Variants in ERBB4 observed in about 807,000 individuals in gnomAD.
The protein encoded by ERBB4 is erb-b2 receptor tyrosine kinase 4, also known as receptor tyrosine-protein kinase erbB-4.
Under a neutral mutation model 158.0 loss-of-function variants are expected in ERBB4, and 42 were observed. That is an observed-to-expected ratio of 0.27 (90% CI 0.21 to 0.34). The LOEUF (loss-of-function observed/expected upper bound fraction) is 0.34, where lower values mean the gene tolerates loss of function less well. ERBB4 is among the 10% of genes least tolerant of loss of function. ERBB4 has a pLI of 1.00. For missense variants in ERBB4, 1,333 were observed against 1,624.1 expected, an observed-to-expected ratio of 0.82 and a Z score of 3.08; for synonymous variants, 583 against 558.7, an observed-to-expected ratio of 1.04 and a Z score of -0.61.
At chr2:211,509,832 A>T (rs1440372409) in intron 20 of ERBB4, among the ~76,000 whole-genome samples, 1 of 152,152 alleles carries the variant, frequency 6.6e-6, no homozygotes, top group African/African-American at 2.4e-5. Flanking sequence ...GCCAGCAAAC[A>T]CATGAAAAAA....
chr2:211,938,688 T>C (rs1336037300), intron 3 of ERBB4, among the ~76,000 whole-genome samples: 1 of 151,942 alleles, frequency 6.6e-6, no homozygotes, highest in Non-Finnish European at 1.5e-5. Flanking sequence ...AAAATAATAA[T>C]AATAATTGGC....
intron 2 of ERBB4, among the ~76,000 whole-genome samples, chr2:211,950,885 A>G (rs2080856726): frequency 6.6e-6 from 1 of 152,114 alleles, no homozygotes; most frequent in Admixed American, 6.6e-5. Flanking sequence ...TCCTCCTTCA[A>G]ACACTGTTCT....
chr2:211,734,159 A>C (rs1030619421), intron 5 of ERBB4, among the ~76,000 whole-genome samples: 5 of 152,218 alleles, frequency 3.3e-5, no homozygotes, highest in Admixed American at 2.0e-4. Context: ...ACAATGGACA[A>C]ATATCTGTTG....
intron 1 of ERBB4, among the ~76,000 whole-genome samples, chr2:212,232,660 G>A (rs1373425198): frequency 4.6e-5 from 7 of 152,022 alleles, no homozygotes; most frequent in Middle Eastern, 3.2e-3. Context: ...CGCCTGCCTC[G>A]GCTTCCCAAA....
At chr2:212,351,282 G>T (rs2089241334) in intron 1 of ERBB4, among the ~76,000 whole-genome samples, 1 of 152,036 alleles carries the variant, frequency 6.6e-6, no homozygotes, top group African/African-American at 2.4e-5. Flanking sequence ...GACACAAGAG[G>T]GGCCTGAGCA....
At chr2:211,775,401 A>C (rs1186287157) in intron 4 of ERBB4, among the ~76,000 whole-genome samples, 1 of 152,162 alleles carries the variant, frequency 6.6e-6, no homozygotes, top group East Asian at 1.9e-4. Context: ...TCTTTCCCTT[A>C]CTGTACTATG....
intron 2 of ERBB4, among the ~76,000 whole-genome samples, chr2:212,098,589 CT>C (rs2078995791): frequency 6.6e-6 from 1 of 152,210 alleles, no homozygotes; most frequent in Admixed American, 6.5e-5. Flanking sequence ...ATTAAAAGAC[CT>C]GCTAGTCCCT....
intron 1 of ERBB4, among the ~76,000 whole-genome samples, chr2:212,244,747 C>A (rs1322581739): frequency 6.6e-6 from 1 of 152,092 alleles, no homozygotes; most frequent in Non-Finnish European, 1.5e-5. Context: ...TCTGGTTTAA[C>A]TTTCAATTCT....
chr2:212,069,137 G>A (rs1284583111), intron 2 of ERBB4, among the ~76,000 whole-genome samples: 1 of 151,902 alleles, frequency 6.6e-6, no homozygotes, highest in Non-Finnish European at 1.5e-5. Context: ...TTAGCAGTGT[G>A]AGAAAAAATT....
chr2:211,880,478 A>C (rs77206021), intron 3 of ERBB4, among the ~76,000 whole-genome samples: 3,533 of 152,276 alleles, frequency 0.023, 51 homozygotes, highest in Middle Eastern at 0.048. Flanking sequence ...TTCACACCAA[A>C]TTGTTTACTT....
chr2:211,478,794 C>T (rs1388596515), intron 20 of ERBB4, among the ~76,000 whole-genome samples: 1 of 152,064 alleles, frequency 6.6e-6, no homozygotes, highest in Non-Finnish European at 1.5e-5. Context: ...TACTATTTCT[C>T]AGATGTACTA....
intron 2 of ERBB4, among the ~76,000 whole-genome samples, chr2:212,095,842 G>A (rs1434677457): frequency 6.6e-6 from 1 of 151,598 alleles, no homozygotes; most frequent in Non-Finnish European, 1.5e-5. Context: ...GGCTGAGGCA[G>A]GAGAATGGCG....
At chr2:211,946,405 C>A (rs990971280) in intron 3 of ERBB4, among the ~76,000 whole-genome samples, 3 of 151,862 alleles carry the variant, frequency 2.0e-5, no homozygotes, top group Non-Finnish European at 2.9e-5. Flanking sequence ...TATCTCTAAA[C>A]TGCTTAATTT....
At chr2:212,023,164 T>C (rs780825079) in intron 2 of ERBB4, among the ~76,000 whole-genome samples, 6 of 152,142 alleles carry the variant, frequency 3.9e-5, no homozygotes, top group Non-Finnish European at 7.4e-5. Flanking sequence ...AGCCTGGACA[T>C]GAGCCATTAT....
intron 1 of ERBB4, among the ~76,000 whole-genome samples, chr2:212,408,026 A>G (rs938646825): frequency 6.6e-6 from 1 of 151,998 alleles, no homozygotes; most frequent in Non-Finnish European, 1.5e-5. Flanking sequence ...ATAAAAATCT[A>G]TATTTATAAA....
At chr2:212,117,615 T>C (rs1476239793) in intron 2 of ERBB4, among the ~76,000 whole-genome samples, 2 of 152,210 alleles carry the variant, frequency 1.3e-5, no homozygotes, top group East Asian at 3.8e-4. Flanking sequence ...GCTTGTATAG[T>C]AGGAACTATA....
intron 19 of ERBB4, among the ~76,000 whole-genome samples, chr2:211,598,100 A>G (rs1487759522): frequency 6.6e-6 from 1 of 152,036 alleles, no homozygotes; most frequent in African/African-American, 2.4e-5. Context: ...ATACACCTCA[A>G]TCTTTTGAAA....
intron 1 of ERBB4, among the ~76,000 whole-genome samples, chr2:212,207,356 A>G (rs1379511279): frequency 6.6e-6 from 1 of 152,184 alleles, no homozygotes; most frequent in East Asian, 1.9e-4. Flanking sequence ...CAAATAATGG[A>G]ATTATCTGTT....
intron 3 of ERBB4, among the ~76,000 whole-genome samples, chr2:211,802,521 G>A (rs941157705): frequency 4.6e-5 from 7 of 152,320 alleles, no homozygotes; most frequent in Non-Finnish European, 1.0e-4. Context: ...CAAACCAGAT[G>A]CTAAACCTAA....
Sources: gnomAD v4.1 joint callset for allele counts (sites outside exome capture counted in the v4.1 genomes callset) on GRCh38, gnomAD v4.1.1 for gene constraint, MANE v1.5 for transcripts, NCBI Gene and HGNC (gene_info 2026-07-23, HGNC 2026-07-21) for gene names.